EXOSC7: variants seen among roughly 807,000 people sequenced by gnomAD.
The protein encoded by EXOSC7 is exosome complex component RRP42.
In EXOSC7, 25 loss-of-function variants were observed where a neutral mutation model predicts 34.3. The observed-to-expected ratio is 0.73, with a 90% CI of 0.53 to 1.02. The LOEUF (loss-of-function observed/expected upper bound fraction) is 1.02, where lower values mean the gene tolerates loss of function less well. EXOSC7 is among the 50% of genes least tolerant of loss of function. EXOSC7 has a pLI of 0.00. For missense variants in EXOSC7, 370 were observed against 368.5 expected, an observed-to-expected ratio of 1.00 and a Z score of -0.03; for synonymous variants, 130 against 143.0, an observed-to-expected ratio of 0.91 and a Z score of 0.65.
chr3:45,007,698 G>A, intron 7 of EXOSC7, 123 bp downstream of exon 7: 1 of 1,083,260 alleles, frequency 9.2e-7, no homozygotes, highest in Non-Finnish European at 1.3e-6. Flanking sequence ...TTGGAGATTT[G>A]GGAACAGCTG....
At chr3:45,005,855 A>C (rs771771241) in intron 6 of EXOSC7, among the ~76,000 whole-genome samples, 7 of 152,100 alleles carry the variant, frequency 4.6e-5, no homozygotes, top group Non-Finnish European at 8.8e-5. Context: ...TGTGGAGCTG[A>C]ACATCAGGCT....
At chr3:45,005,986 G>C (rs539677651) in intron 6 of EXOSC7, among the ~76,000 whole-genome samples, 1 of 150,632 alleles carries the variant, frequency 6.6e-6, no homozygotes, top group South Asian at 2.1e-4. Flanking sequence ...AAACAGGTCA[G>C]GTTTAATTCC....
intron 1 of EXOSC7, among the ~76,000 whole-genome samples, chr3:44,982,544 A>G (rs558775458): frequency 6.6e-6 from 1 of 152,232 alleles, no homozygotes; most frequent in South Asian, 2.1e-4. Flanking sequence ...TGTTGAAGGG[A>G]GTTGTAGCCC....
At chr3:44,997,669 G>A (rs1337550632) in intron 4 of EXOSC7, among the ~76,000 whole-genome samples, 1 of 152,214 alleles carries the variant, frequency 6.6e-6, no homozygotes, top group Admixed American at 6.5e-5. Flanking sequence ...AATGGACACT[G>A]TTATATTTCC....
In EXOSC7 at chr3:44,976,248, G is replaced by T; in HGVS notation, c.-30G>T. 6.5e-7 allele frequency: 1 copy of T among 1,530,270 alleles called. No homozygotes were observed. The highest frequency in any genetic ancestry group is 1.2e-5 in the South Asian group (1 of 80,802). The allele number at this position is 1,530,270 out of a possible 1,614,324, so 94.8% of individuals were successfully genotyped here. A position where few individuals can be genotyped will look rare whatever the true frequency, so the allele number is the denominator to read the frequency against. On this transcript the variant is annotated 5_prime_UTR_variant, in exon 1 of 8. An upstream start codon of the reference 5' UTR is lost. Coordinates refer to ENST00000265564, the MANE Select transcript of EXOSC7 (RefSeq NM_015004.4). The stretch of plus-strand genomic sequence containing the variant: ...TCCAGAGGAGGGGACGCGCGCAGAT[G>T]ACGTGCGGCTCGTGGGGCAGCTCGG...
intron 1 of EXOSC7, among the ~76,000 whole-genome samples, chr3:44,987,514 G>A (rs1240130247): frequency 6.6e-6 from 1 of 152,220 alleles, no homozygotes; most frequent in African/African-American, 2.4e-5. Context: ...GGAGGTTGCA[G>A]TGAGCTGTGC....
chr3:45,002,269 G>A (rs1576021604), intron 5 of EXOSC7: 1 of 152,296 alleles, frequency 6.6e-6, no homozygotes, highest in East Asian at 1.9e-4. Context: ...GGGATAGGGT[G>A]TTCATCCTAT....
intron 3 of EXOSC7, among the ~76,000 whole-genome samples, chr3:44,995,894 C>T (rs553724171): frequency 6.6e-6 from 1 of 152,348 alleles, no homozygotes; most frequent in African/African-American, 2.4e-5. Context: ...GGCGTTCACA[C>T]AGGTTTTGCT....
chr3:44,987,369 A>C (rs951280874), intron 1 of EXOSC7, among the ~76,000 whole-genome samples: 1 of 152,244 alleles, frequency 6.6e-6, no homozygotes, highest in African/African-American at 2.4e-5. Context: ...AAGTAATTAA[A>C]AGTAACCATG....
Position 45,002,157 on chromosome 3 carries a change from A to G in EXOSC7, c.491+549A>G, listed in dbSNP as rs1348881617. 2.0e-5 allele frequency: 3 copies of G among 152,274 alleles called. No individual in the cohort carries two copies. The South Asian group carries it at 6.2e-4, about 32-fold the overall frequency. The allele number at this position is 152,274 out of a possible 1,614,324, so 9.4% of individuals were successfully genotyped here. On this transcript the variant is annotated intron_variant, in intron 5 of 7. Coordinates refer to ENST00000265564, the MANE Select transcript of EXOSC7 (RefSeq NM_015004.4). ...GGTTGTGTAGAAGGGACAAGTTGCTATGCTTTTTTGGAGTTGACATTTATT... is the reference window on the plus strand; with the variant it reads ...GGTTGTGTAGAAGGGACAAGTTGCTGTGCTTTTTTGGAGTTGACATTTATT...
intron 1 of EXOSC7, chr3:44,977,520 A>C (rs1490507687): frequency 1.3e-5 from 2 of 152,264 alleles, no homozygotes; most frequent in Non-Finnish European, 2.9e-5. Context: ...TGCCTGGATA[A>C]TAAAGTCAGA....
chr3:44,994,369 A>ATT (rs202092789), intron 3 of EXOSC7, among the ~76,000 whole-genome samples: 7 of 142,424 alleles, frequency 4.9e-5, no homozygotes, highest in Admixed American at 1.4e-4. Flanking sequence ...TCATGTAGGG[A>ATT]TTTTTTTTTT....
At chr3:44,993,604 T>A (rs1706630001) in intron 3 of EXOSC7, among the ~76,000 whole-genome samples, 1 of 152,026 alleles carries the variant, frequency 6.6e-6, no homozygotes, top group Admixed American at 6.5e-5. Context: ...AGGGGTAGCA[T>A]TCCCAGGATC....
intron 4 of EXOSC7, among the ~76,000 whole-genome samples, chr3:44,997,593 A>G (rs947573618): frequency 3.9e-5 from 6 of 152,224 alleles, no homozygotes; most frequent in Non-Finnish European, 8.8e-5. Flanking sequence ...AGGTTGGTAC[A>G]TTCTGTGTGG....
intron 1 of EXOSC7, among the ~76,000 whole-genome samples, chr3:44,985,397 A>G (rs1261716346): frequency 1.3e-5 from 2 of 152,152 alleles, no homozygotes; most frequent in Non-Finnish European, 1.5e-5. Context: ...TGAGTGTTAC[A>G]GTTCTTAAAG....
At chr3:44,995,926 C>G (rs1458967495) in intron 3 of EXOSC7, among the ~76,000 whole-genome samples, 4 of 152,234 alleles carry the variant, frequency 2.6e-5, no homozygotes, top group Non-Finnish European at 5.9e-5. Context: ...CTTCCTGCCT[C>G]TCTGGCCTGA....
At chr3:45,000,286 A>G (rs1001491852) in intron 4 of EXOSC7, among the ~76,000 whole-genome samples, 2 of 152,222 alleles carry the variant, frequency 1.3e-5, no homozygotes, top group Admixed American at 1.3e-4. Flanking sequence ...TCTTCCTCAT[A>G]GCACCCCTTC....
chr3:45,000,306 C>G (rs896515049), intron 4 of EXOSC7, among the ~76,000 whole-genome samples: 2 of 152,190 alleles, frequency 1.3e-5, no homozygotes, highest in African/African-American at 4.8e-5. Context: ...CTGTTGGGCT[C>G]TGGGGATAAA....
intron 7 of EXOSC7, among the ~76,000 whole-genome samples, chr3:45,010,034 T>A (rs1309895322): frequency 1.3e-5 from 2 of 152,146 alleles, no homozygotes; most frequent in Admixed American, 1.3e-4. Flanking sequence ...CACCTGTAAC[T>A]GAAGAGATTG....
Sources: allele counts gnomAD v4.1 joint callset (sites outside exome capture counted in the v4.1 genomes callset), GRCh38; gene constraint gnomAD v4.1.1; transcripts MANE v1.5; gene names NCBI Gene and HGNC (gene_info 2026-07-23, HGNC 2026-07-21).